TGFBR2: variants seen among roughly 807,000 people sequenced by gnomAD.
TGFBR2 encodes the protein TGF-beta receptor type-2.
Under a neutral mutation model 49.0 loss-of-function variants are expected in TGFBR2, and 18 were observed. That is an observed-to-expected ratio of 0.37 (90% CI 0.25 to 0.54). TGFBR2 has a LOEUF of 0.54. Ranked by LOEUF, TGFBR2 falls within the 20% of genes least tolerant of loss-of-function variation. The pLI, the probability that TGFBR2 is intolerant of heterozygous loss-of-function variation, is 0.85. For missense variants in TGFBR2, 525 were observed against 722.6 expected (o/e 0.73, Z 3.13); for synonymous variants, 282 against 275.9 (o/e 1.02, Z -0.22).
At chr3:30,636,326 T>A (rs2372091) in intron 1 of TGFBR2, among the ~76,000 whole-genome samples, 99,566 of 151,984 alleles carry the variant, frequency 0.66, 33,363 homozygotes, top group African/African-American at 0.8. Context: ...TTTTAAAAAC[T>A]ATATTAGTAT....
intron 1 of TGFBR2, among the ~76,000 whole-genome samples, chr3:30,636,759 T>C (rs921110521): frequency 2.6e-5 from 4 of 151,468 alleles, no homozygotes; most frequent in Non-Finnish European, 5.9e-5. Flanking sequence ...TGTGTGTGTG[T>C]ATTCCCTTTA....
rs557562560 is a variant in TGFBR2 at position 30,648,075 on chromosome 3, G to T, written c.264-2195G>T. ...TGTTGCAGGACAAAAAAAGAAGTCC[G>T]TATTTACTTCTTTGTATTTACCTTT... On this transcript the variant is annotated intron_variant, in intron 2 of 6. Coordinates refer to ENST00000295754, the MANE Select transcript of TGFBR2 (RefSeq NM_003242.6). Among the ~76,000 whole-genome samples, 4 of 152,228 alleles carry T rather than the reference G, an allele frequency of 2.6e-5. No homozygotes were observed. The East Asian group carries it at 7.7e-4, about 29-fold the overall frequency.
chr3:30,649,819 T>G (rs890059339), intron 2 of TGFBR2, among the ~76,000 whole-genome samples: 1 of 152,126 alleles, frequency 6.6e-6, no homozygotes, highest in African/African-American at 2.4e-5. Context: ...TTGAAAACAG[T>G]ATAGCTAGAC....
At chr3:30,614,944 T>G (rs1008380560) in intron 1 of TGFBR2, among the ~76,000 whole-genome samples, 4 of 152,220 alleles carry the variant, frequency 2.6e-5, no homozygotes, top group African/African-American at 9.6e-5. Flanking sequence ...TCCAACATTT[T>G]TCTAGTGTTT....
intron 1 of TGFBR2, among the ~76,000 whole-genome samples, chr3:30,619,862 C>T (rs761303629): frequency 3.3e-5 from 5 of 152,166 alleles, no homozygotes; most frequent in Non-Finnish European, 7.3e-5. Context: ...ACCTTGTTTG[C>T]CAAGCTACCT....
intron 2 of TGFBR2, among the ~76,000 whole-genome samples, chr3:30,649,105 C>G (rs1698831173): frequency 6.6e-6 from 1 of 152,106 alleles, no homozygotes; most frequent in African/African-American, 2.4e-5. Context: ...TGTGTGCACT[C>G]AGAATCTTCA....
chr3:30,644,498 C>T (rs1407120170), intron 1 of TGFBR2, among the ~76,000 whole-genome samples: 1 of 152,156 alleles, frequency 6.6e-6, no homozygotes, highest in Non-Finnish European at 1.5e-5. Context: ...TTATGACAAC[C>T]ATTGACAAAA....
intron 1 of TGFBR2, among the ~76,000 whole-genome samples, chr3:30,623,678 A>G (rs1202083704): frequency 2.0e-5 from 3 of 152,228 alleles, no homozygotes; most frequent in Non-Finnish European, 2.9e-5. Flanking sequence ...CAGTTTCTGC[A>G]GTCCTGTAGT....
In TGFBR2 at chr3:30,608,028, C is replaced by T. The variant is rs1697962429; in HGVS notation, c.94+1051C>T. ...CAATCTCGGCTCACTGCAACTTTGC[C>T]TCTGGGTTCAAGCGATTCTCCTGCC... is the stretch of plus-strand genomic sequence containing the variant. On this transcript the variant is annotated intron_variant, in intron 1 of 6. Transcript: ENST00000295754. Among the ~76,000 whole-genome samples, 3 of 151,378 alleles carry T rather than the reference C, an allele frequency of 2.0e-5. No homozygotes were observed. The South Asian group carries it at 6.3e-4, about 32-fold the overall frequency.
At chr3:30,642,663 A>T (rs187993554) in intron 1 of TGFBR2, among the ~76,000 whole-genome samples, 8 of 152,238 alleles carry the variant, frequency 5.3e-5, no homozygotes, top group Non-Finnish European at 1.2e-4. Flanking sequence ...TGTCCAAAAC[A>T]TACTCTATAC....
At chr3:30,663,102 T>G (rs577920295) in intron 3 of TGFBR2, among the ~76,000 whole-genome samples, 1 of 152,284 alleles carries the variant, frequency 6.6e-6, no homozygotes, top group South Asian at 2.1e-4. Context: ...ACAAAATTTT[T>G]AAAGGTACAG....
intron 1 of TGFBR2, among the ~76,000 whole-genome samples, chr3:30,625,727 C>T (rs1439156083): frequency 6.6e-6 from 1 of 152,140 alleles, no homozygotes; most frequent in Non-Finnish European, 1.5e-5. Context: ...GAGTTTGAGT[C>T]ATATGAGAAA....
intron 3 of TGFBR2, among the ~76,000 whole-genome samples, chr3:30,660,953 C>T (rs1200881900): frequency 6.6e-6 from 1 of 152,146 alleles, no homozygotes; most frequent in Non-Finnish European, 1.5e-5. Flanking sequence ...GCCTGTGGTT[C>T]ACCTGGAAAG....
intron 5 of TGFBR2, 83 bp downstream of exon 5, chr3:30,674,329 G>T: frequency 6.4e-7 from 1 of 1,557,346 alleles, no homozygotes; most frequent in South Asian, 1.1e-5. Flanking sequence ...TTATTCCAGG[G>T]GTTACAAAGC....
At chr3:30,666,333 G>T (rs1433374005) in intron 3 of TGFBR2, among the ~76,000 whole-genome samples, 2 of 152,128 alleles carry the variant, frequency 1.3e-5, no homozygotes, top group South Asian at 4.1e-4. Flanking sequence ...TAGGCCATGA[G>T]AATAGGCTCT....
chr3:30,653,269 T>G lies in TGFBR2; in HGVS notation c.454+2809T>G, dbSNP rs555206255. ...TGAAAACTTTTTTTTTTTTTTTTTT[T>G]GAGACAGAGTCTCACTCTGTCACCC... On this transcript the variant is annotated intron_variant, in intron 3 of 6. Transcript: ENST00000295754. 8.2e-3 allele frequency among the ~76,000 whole-genome samples: 1,116 copies of G among 136,110 alleles called. 7 individuals are homozygous for G. Among genetic ancestry groups the G allele is most frequent in the African/African-American group, 0.03 (1,070 of 35,966 alleles). 89.3% of individuals were successfully genotyped at this position (136,110 alleles called of 152,430 possible).
At chr3:30,648,900 A>G (rs1170781786) in intron 2 of TGFBR2, among the ~76,000 whole-genome samples, 1 of 152,082 alleles carries the variant, frequency 6.6e-6, no homozygotes, top group African/African-American at 2.4e-5. Context: ...AGCACTAAAA[A>G]AGTGGTATTG....
At chr3:30,634,687 GTTAT>G (rs1469058519) in intron 1 of TGFBR2, among the ~76,000 whole-genome samples, 1 of 152,196 alleles carries the variant, frequency 6.6e-6, no homozygotes, top group African/African-American at 2.4e-5. Context: ...CACCAAGAGA[GTTAT>G]TTAATCATCT....
chr3:30,689,103 C>T (rs1420934146), intron 6 of TGFBR2, among the ~76,000 whole-genome samples: 2 of 152,222 alleles, frequency 1.3e-5, no homozygotes, highest in East Asian at 1.9e-4. Flanking sequence ...CTGGAAGGAA[C>T]GAGAAATCTG....
Sources: gnomAD v4.1 joint callset for allele counts (sites outside exome capture counted in the v4.1 genomes callset) on GRCh38, gnomAD v4.1.1 for gene constraint, MANE v1.5 for transcripts, NCBI Gene and HGNC (gene_info 2026-07-23, HGNC 2026-07-21) for gene names.